AQP5: variants seen among roughly 807,000 people sequenced by gnomAD.
AQP5 encodes the protein aquaporin 5, also known as aquaporin-5.
A neutral mutation model predicts 19.1 loss-of-function variants in AQP5; 15 were observed. That is an observed-to-expected ratio of 0.79 (90% CI 0.53 to 1.21). AQP5 has a LOEUF of 1.21. Ranked by LOEUF, AQP5 falls within the 50% of genes most tolerant of loss-of-function variation. The pLI, the probability that AQP5 is intolerant of heterozygous loss-of-function variation, is 0.00. For synonymous variants in AQP5, 182 were observed against 160.3 expected (o/e 1.14, Z -1.02); for missense variants, 355 against 357.1 (o/e 0.99, Z 0.05).
chr12:49,965,262 C>A lies in AQP5; in HGVS notation c.*85C>A. ...GTACCTAACACAAGCTTCCTTTTTG[C>A]ACAACCGGTCCTCTTGGCTGAGGAG... On this transcript the variant is annotated 3_prime_UTR_variant, in exon 4 of 4. Coordinates refer to ENST00000293599, the MANE Select transcript of AQP5 (RefSeq NM_001651.4). 1 of 1,405,768 alleles carries A rather than the reference C, an allele frequency of 7.1e-7. No individual in the cohort carries two copies. The highest frequency in any genetic ancestry group is 2.5e-5 in the East Asian group (1 of 39,750). 87.1% of individuals were successfully genotyped at this position (1,405,768 alleles called of 1,614,324 possible).
Position 49,964,173 on chromosome 12 carries a change from T to G in AQP5, c.610T>G (p.Trp204Gly). 1 of 1,613,952 alleles carries G rather than the reference T, an allele frequency of 6.2e-7. No homozygotes were observed. Among genetic ancestry groups the G allele is most frequent in the East Asian group, 2.2e-5 (1 of 44,882 alleles). The change falls in exon 3 of 4, where the codon TGG (tryptophan) becomes GGG (glycine). Residue 204 changes from tryptophan to glycine, a missense_variant and splice_region_variant. Coordinates refer to ENST00000293599, the MANE Select transcript of AQP5 (RefSeq NM_001651.4). ...VVMNRFSPAH[W>G]VFWVGPIVGA... Reference sequence around the variant, plus strand: ...CATGAATCGGTTCAGCCCCGCTCACTGGGTGAGTCTGTCCCTTCCCCTGGC... The same window carrying G: ...CATGAATCGGTTCAGCCCCGCTCACGGGGTGAGTCTGTCCCTTCCCCTGGC...
chr12:49,963,932 T>C, intron 2 of AQP5, 160 bp from the exon 3 acceptor site: 1 of 825,206 alleles, frequency 1.2e-6, no homozygotes, highest in Non-Finnish European at 1.9e-6. Flanking sequence ...TAAGGGTCCA[T>C]GGTTAACCAA....
chr12:49,963,435 G>T (rs1947450802), intron 1 of AQP5, 57 bp from the exon 2 acceptor site: 3 of 1,591,484 alleles, frequency 1.9e-6, no homozygotes, highest in Non-Finnish European at 2.6e-6. Flanking sequence ...TACTCCCCGA[G>T]CCCCTGGCTA....
At chr12:49,964,301 C>G (rs1338035007) in intron 3 of AQP5, 126 bp downstream of exon 3, 4 of 1,006,706 alleles carry the variant, frequency 4.0e-6, no homozygotes, top group Non-Finnish European at 6.0e-6. Flanking sequence ...GGAGTGGTGG[C>G]TGACAGAGAA....
In AQP5 at chr12:49,963,519, G is replaced by A; in HGVS notation, c.391G>A (p.Ala131Thr). The A allele has an allele frequency of 1.2e-6, 2 of 1,613,928 alleles. No individual in the cohort carries two copies. Among genetic ancestry groups the A allele is most frequent in the Non-Finnish European group, 1.7e-6 (2 of 1,180,020 alleles). The change falls in exon 2 of 4, where the codon GCC becomes ACC. Residue 131 changes from alanine to threonine, a missense_variant. Transcript: ENST00000293599. ...ALNNNTTQGQ[A>T]MVVELILTFQ... is the part of the protein sequence containing the mutation. The stretch of plus-strand genomic sequence containing the variant: ...CAACAACAACACAACGCAGGGCCAG[G>A]CCATGGTGGTGGAGCTGATTCTGAC...
intron 1 of AQP5, 63 bp from the exon 2 acceptor site, chr12:49,963,429 C>T (rs769925925): frequency 5.7e-6 from 9 of 1,585,154 alleles, no homozygotes; most frequent in Non-Finnish European, 6.0e-6. Context: ...AAGCCCTACT[C>T]CCCGAGCCCC....
rs1947452229 is a variant in AQP5, at chr12:49,963,510, C to T, written c.382C>T (p.Gln128Ter). The T allele has an allele frequency of 3.1e-6, 5 of 1,613,866 alleles. No homozygotes were observed. Among genetic ancestry groups the T allele is most frequent in the Non-Finnish European group, 4.2e-6 (5 of 1,180,002 alleles). The change falls in exon 2 of 4, where the codon CAG (glutamine) becomes TAG (stop). Residue 128 changes from glutamine to a stop codon, truncating the protein, a stop_gained. Coordinates refer to ENST00000293599, the MANE Select transcript of AQP5 (RefSeq NM_001651.4). LOFTEE classifies it high-confidence loss of function. Reference sequence around the variant, plus strand: ...CTTGCAGCTCAACAACAACACAACGCAGGGCCAGGCCATGGTGGTGGAGCT... The same window carrying T: ...CTTGCAGCTCAACAACAACACAACGTAGGGCCAGGCCATGGTGGTGGAGCT... Reference protein sequence around the residue: ...AVNALNNNTTQGQAMVVELIL... With the variant: ...AVNALNNNTT
Position 49,965,299 on chromosome 12 carries a change from C to T in AQP5, c.*122C>T. The T allele has an allele frequency of 8.2e-7, 1 of 1,221,106 alleles. No individual in the cohort carries two copies. The highest frequency in any genetic ancestry group is 1.6e-5 in the South Asian group (1 of 62,604). 75.6% of individuals were successfully genotyped at this position (1,221,106 alleles called of 1,614,324 possible). On this transcript the variant is annotated 3_prime_UTR_variant, in exon 4 of 4. Transcript: ENST00000293599. ...TCTTGGCTGAGGAGGAGGAGCTGGT[C>T]ACCCTGGCTGCACAGTTAGAGAGGG...
In AQP5 at chr12:49,962,299, G is replaced by T; in HGVS notation, c.282G>T (p.Gln94His). Residue 94 changes from glutamine (Q) to histidine (H), a missense_variant, in exon 1 of 4, where the codon CAG becomes CAT. By Grantham distance (24) the Gln-to-His change is conservative (BLOSUM62 0). Transcript: ENST00000293599. ...GGGCTTTCTTCTACGTGGCGGCCCAGCTGGTGGGCGCCATTGCCGGGGCTG... is the reference window on the plus strand; with the variant it reads ...GGGCTTTCTTCTACGTGGCGGCCCATCTGGTGGGCGCCATTGCCGGGGCTG... ...LLRAFFYVAA[Q>H]LVGAIAGAGI... 1 of 1,607,576 alleles carries T rather than the reference G, an allele frequency of 6.2e-7. No homozygotes were observed. Among genetic ancestry groups the T allele is most frequent in the Non-Finnish European group, 8.5e-7 (1 of 1,179,874 alleles).
rs1418387573 is a variant in AQP5, at chr12:49,962,594, C to T, written c.363+214C>T. On this transcript the variant is annotated intron_variant, in intron 1 of 3. Coordinates refer to ENST00000293599, the MANE Select transcript of AQP5 (RefSeq NM_001651.4). ...TCCTCTCCCCCTCCCCTCATGCTGG[C>T]CCACCCTGGTCTCTCTCCAATGCCT... 5.1e-6 allele frequency: 3 copies of T among 591,726 alleles called. No homozygotes were observed. In the East Asian group the frequency reaches 9.4e-5, roughly 19 times the overall value. The allele number at this position is 591,726 out of a possible 1,614,324, so 36.7% of individuals were successfully genotyped here.
chr12:49,965,463 G>T lies in AQP5; in HGVS notation c.*286G>T, dbSNP rs1265926586. On this transcript the variant is annotated 3_prime_UTR_variant, in exon 4 of 4. Transcript: ENST00000293599. ...GGCTGCAAGGGCCAGGCCAGAAAAG[G>T]GCGGGCCTGCAGCCTGCACCCCCCA... The T allele has an allele frequency of 6.5e-6, 2 of 305,854 alleles. No individual in the cohort carries two copies. Among genetic ancestry groups the T allele is most frequent in the Admixed American group, 4.7e-5 (1 of 21,200 alleles). 18.9% of individuals were successfully genotyped at this position (305,854 alleles called of 1,614,324 possible).
At chr12:49,964,804 C>A in intron 3 of AQP5, 188 bp from the exon 4 acceptor site, 2 of 985,376 alleles carry the variant, frequency 2.0e-6, no homozygotes, top group Non-Finnish European at 2.4e-6. Flanking sequence ...GTCCATGTCT[C>A]TGTCCCTGGG....
intron 3 of AQP5, chr12:49,964,660 G>A (rs550655150): frequency 2.8e-4 from 273 of 985,224 alleles, no homozygotes; most frequent in East Asian, 8.0e-4. Context: ...GGGGACACGC[G>A]CTCTGTTCAT....
In AQP5 at chr12:49,965,231, G is replaced by C; in HGVS notation, c.*54G>C. On this transcript the variant is annotated 3_prime_UTR_variant, in exon 4 of 4. Coordinates refer to ENST00000293599, the MANE Select transcript of AQP5 (RefSeq NM_001651.4). ...GCCCCTGAGCCAAGGGGGAAAAGAA[G>C]AAAAAGTACCTAACACAAGCTTCCT... The C allele has an allele frequency of 3.3e-6, 5 of 1,496,576 alleles. No individual in the cohort carries two copies. In the South Asian group the frequency reaches 6.6e-5, roughly 20 times the overall value. 92.7% of individuals were successfully genotyped at this position (1,496,576 alleles called of 1,614,324 possible). A position where few individuals can be genotyped will look rare whatever the true frequency, so the allele number is the denominator to read the frequency against.
At position 49,961,962 on chromosome 12, in the gene AQP5, G is replaced by C; in HGVS notation, c.-56G>C. On this transcript the variant is annotated 5_prime_UTR_variant, in exon 1 of 4. Coordinates refer to ENST00000293599, the MANE Select transcript of AQP5 (RefSeq NM_001651.4). ...GCCGCATCCACCTCCTCCGCCGCCT[G>C]CGACCCAACGGGCGCCCCCCGCCGC... 8.1e-7 allele frequency: 1 copy of C among 1,238,076 alleles called. No homozygotes were observed. Among genetic ancestry groups the C allele is most frequent in the Non-Finnish European group, 1.0e-6 (1 of 971,954 alleles). The allele number at this position is 1,238,076 out of a possible 1,614,324, so 76.7% of individuals were successfully genotyped here.
rs1398052365 is a variant in AQP5, at chr12:49,965,144, G to A, written c.765G>A (p.Glu255=). The A allele has an allele frequency of 6.2e-7, 1 of 1,613,376 alleles. No individual in the cohort carries two copies. Among genetic ancestry groups the A allele is most frequent in the Non-Finnish European group, 8.5e-7 (1 of 1,179,708 alleles). Residue 255 remains glutamate, a synonymous_variant, in exon 4 of 4, where the codon GAG becomes GAA. Coordinates refer to ENST00000293599, the MANE Select transcript of AQP5 (RefSeq NM_001651.4). ...AGGACTGGGAGGAGCAGCGGGAAGA[G>A]CGGAAGAAGACCATGGAGCTGACCA... ...PDEDWEEQRE[E]RKKTMELTTR
chr12:49,963,587 C>T lies in AQP5; in HGVS notation c.459C>T (p.Arg153=). 3 of 1,613,926 alleles carry T rather than the reference C, an allele frequency of 1.9e-6. No homozygotes were observed. Among genetic ancestry groups the T allele is most frequent in the Non-Finnish European group, 2.5e-6 (3 of 1,180,040 alleles). Residue 153 remains arginine, a synonymous_variant, in exon 2 of 4, where the codon CGC becomes CGT. Transcript: ENST00000293599. ...GCATCTTCGCCTCCACTGACTCCCG[C>T]CGCACCAGCCCTGTGGGCTCCCCAG... ...ALCIFASTDS[R]RTSPVGSPAL... is the part of the protein sequence containing the mutation.
Position 49,964,539 on chromosome 12 carries a change from AG to A in AQP5, c.612+369del, listed in dbSNP as rs374169017. Reference sequence around the variant, plus strand: ...ATGTTTTATTTATCTGTCCCTGTTGAGGGGGTTGGGAGAGTCTTCCTGTGGG... The same window carrying A: ...ATGTTTTATTTATCTGTCCCTGTTGAGGGGTTGGGAGAGTCTTCCTGTGGG... On this transcript the variant is annotated intron_variant, in intron 3 of 3. Transcript: ENST00000293599. 586 of 628,226 alleles carry A rather than the reference AG, an allele frequency of 9.3e-4. 3 individuals carry two copies. The highest frequency in any genetic ancestry group is 8.2e-3 in the Middle Eastern group (10 of 1,214). The allele number at this position is 628,226 out of a possible 1,614,324, so 38.9% of individuals were successfully genotyped here. A position where few individuals can be genotyped will look rare whatever the true frequency, so the allele number is the denominator to read the frequency against.
rs1947458901 is a variant in AQP5 at position 49,964,022 on chromosome 12, G to C, written c.529-70G>C. The C allele has an allele frequency of 2.0e-6, 3 of 1,472,522 alleles. No individual in the cohort carries two copies. In the African/African-American group the frequency reaches 4.2e-5, roughly 20 times the overall value. 91.2% of individuals were successfully genotyped at this position (1,472,522 alleles called of 1,614,324 possible). ...AGCCCCTGGACTGCAGTGTAACCTTGAGAGAGTCCAGATTCTGTGGGAGTG... is the reference window on the plus strand; with the variant it reads ...AGCCCCTGGACTGCAGTGTAACCTTCAGAGAGTCCAGATTCTGTGGGAGTG... On this transcript the variant is annotated intron_variant, in intron 2 of 3. Transcript: ENST00000293599.
Sources: gnomAD v4.1 joint callset for allele counts on GRCh38, gnomAD v4.1.1 for gene constraint, MANE v1.5 for transcripts, NCBI Gene and HGNC (gene_info 2026-07-23, HGNC 2026-07-21) for gene names.